The following PIWIL1 variants were observed in gnomAD, a reference collection of about 807,000 sequenced individuals.
The protein encoded by PIWIL1 is piwi like RNA-mediated gene silencing 1.
In PIWIL1, 73 loss-of-function variants were observed where a neutral mutation model predicts 114.4. The observed-to-expected ratio is 0.64, with a 90% CI of 0.53 to 0.78. The LOEUF (loss-of-function observed/expected upper bound fraction) is 0.78. Among genes scored for constraint, PIWIL1 ranks in the 30% least tolerant of loss-of-function variants. The pLI is 0.00. For synonymous variants in PIWIL1, 375 were observed against 369.0 expected (o/e 1.02, Z -0.19); for missense variants, 723 against 1,063.1 (o/e 0.68, Z 4.45).
intron 1 of PIWIL1, among the ~76,000 whole-genome samples, chr12:130,340,667 T>TGGG (rs2072894073): frequency 7.4e-6 from 1 of 135,624 alleles, no homozygotes; most frequent in South Asian, 2.6e-4. Flanking sequence ...GGGTTGGTGG[T>TGGG]GGTGGTGGTG....
the PIWIL1 span, chr12:130,425,516 T>TC: frequency 6.6e-6 from 1 of 152,326 alleles, no homozygotes; most frequent in African/African-American, 2.4e-5. Context: ...TCCGCCTGTC[T>TC]CCTCTGCATC....
Position 130,361,176 on chromosome 12 carries a change from T to C in PIWIL1, c.1666-4T>C. 1 of 1,614,050 alleles carries C rather than the reference T, an allele frequency of 6.2e-7. No individual in the cohort carries two copies. The highest frequency in any genetic ancestry group is 8.5e-7 in the Non-Finnish European group (1 of 1,179,940). On this transcript the variant is annotated splice_region_variant and splice_polypyrimidine_tract_variant and intron_variant, in intron 14 of 20. Coordinates refer to ENST00000245255, the MANE Select transcript of PIWIL1 (RefSeq NM_004764.5). ...TCTTTGTAACAAGGGCACTTTGTTTTCAGGTTGTCTGTCTGTTGTCAAGTA... is the reference window on the plus strand; with the variant it reads ...TCTTTGTAACAAGGGCACTTTGTTTCCAGGTTGTCTGTCTGTTGTCAAGTA...
At chr12:130,421,563 G>A in the PIWIL1 span, among the ~76,000 whole-genome samples, 1 of 152,144 alleles carries the variant, frequency 6.6e-6, no homozygotes, top group Non-Finnish European at 1.5e-5. Flanking sequence ...CTATTTCAAC[G>A]AGATTCCAGG....
the PIWIL1 span, among the ~76,000 whole-genome samples, chr12:130,393,387 C>T: frequency 4.6e-3 from 660 of 144,544 alleles, no homozygotes; most frequent in South Asian, 0.025. Flanking sequence ...TGTGATGACC[C>T]AGTCACCGTC....
downstream of PIWIL1, among the ~76,000 whole-genome samples, chr12:130,377,036 C>T (rs2080990380): frequency 6.6e-6 from 1 of 152,190 alleles, no homozygotes; most frequent in Non-Finnish European, 1.5e-5. Flanking sequence ...TCTGTGACCA[C>T]CCCCTGTGAG....
At chr12:130,377,364 T>C (rs1351113928), downstream of PIWIL1, among the ~76,000 whole-genome samples, 1 of 152,184 alleles carries the variant, frequency 6.6e-6, no homozygotes, top group African/African-American at 2.4e-5. Context: ...CCTTGATCCT[T>C]GGGTGCACAT....
chr12:130,371,461 C>T (rs768519895), intron 20 of PIWIL1, 21 bp from the exon 21 acceptor site: 3 of 1,610,996 alleles, frequency 1.9e-6, no homozygotes, highest in Non-Finnish European at 2.5e-6. Flanking sequence ...GTAATAGAAC[C>T]TTTTTTTCCT....
At position 130,371,611 on chromosome 12, in the gene PIWIL1, G is replaced by A. The variant is rs965073071; in HGVS notation, c.*13G>A. On this transcript the variant is annotated 3_prime_UTR_variant, in exon 21 of 21. Coordinates refer to ENST00000245255, the MANE Select transcript of PIWIL1 (RefSeq NM_004764.5). ...TTACTACCTCTAACCTGCAGAAGAC[G>A]ATGCAGCCGCTTTTCTTTTTGAAAT... is the stretch of plus-strand genomic sequence containing the variant. 15 of 1,449,124 alleles carry A rather than the reference G, an allele frequency of 1.0e-5. No individual in the cohort carries two copies. The highest frequency in any genetic ancestry group is 2.3e-5 in the East Asian group (1 of 43,804). 89.8% of individuals were successfully genotyped at this position (1,449,124 alleles called of 1,614,324 possible).
In PIWIL1 at chr12:130,371,339, T is replaced by C; in HGVS notation, c.2469+16T>C. ...CAACTGGCCAGTAAGTGCTTCTACT[T>C]GTTGATGTTTAGCAAATAAAGGACA... On this transcript the variant is annotated intron_variant, in intron 20 of 20. Transcript: ENST00000245255. The C allele has an allele frequency of 6.2e-7, 1 of 1,613,950 alleles. No individual in the cohort carries two copies.
chr12:130,352,334 C>T (rs993483856), intron 9 of PIWIL1, among the ~76,000 whole-genome samples: 1 of 151,962 alleles, frequency 6.6e-6, no homozygotes, highest in Non-Finnish European at 1.5e-5. Flanking sequence ...ACAGTAATGT[C>T]TAATAAAAAT....
the PIWIL1 span, among the ~76,000 whole-genome samples, chr12:130,423,690 TC>T: frequency 1.8e-5 from 2 of 113,798 alleles, no homozygotes; most frequent in Non-Finnish European, 1.8e-5. Flanking sequence ...ATTTCTTCAA[TC>T]TTTTTTTTTT....
chr12:130,402,994 G>T, the PIWIL1 span, among the ~76,000 whole-genome samples: 1 of 152,214 alleles, frequency 6.6e-6, no homozygotes, highest in Non-Finnish European at 1.5e-5. Flanking sequence ...GGAGGAAAAG[G>T]CCAGGGAGGA....
At chr12:130,421,249 C>T in the PIWIL1 span, among the ~76,000 whole-genome samples, 3 of 152,242 alleles carry the variant, frequency 2.0e-5, no homozygotes. Context: ...ATCTGGGCTC[C>T]ACTAACCCTG....
chr12:130,402,937 T>C, the PIWIL1 span, among the ~76,000 whole-genome samples: 1 of 152,114 alleles, frequency 6.6e-6, no homozygotes. Flanking sequence ...GTGTTAGAAG[T>C]CTTCAGTGAC....
At chr12:130,413,395 C>T in the PIWIL1 span, among the ~76,000 whole-genome samples, 1 of 152,026 alleles carries the variant, frequency 6.6e-6, no homozygotes, top group Non-Finnish European at 1.5e-5. Context: ...TTTGGGAGGC[C>T]AAGGCGGGCA....
At chr12:130,397,029 G>T in the PIWIL1 span, 1 of 180,220 alleles carries the variant, frequency 5.5e-6, no homozygotes, top group Non-Finnish European at 1.2e-5. Context: ...ATTCCTTTAA[G>T]GGCAGATGAC....
chr12:130,373,122 G>C (rs1341571453), downstream of PIWIL1, among the ~76,000 whole-genome samples: 1 of 152,172 alleles, frequency 6.6e-6, no homozygotes, highest in Non-Finnish European at 1.5e-5. Context: ...AAGCAGCCCA[G>C]GTTCCTTAAC....
the PIWIL1 span, chr12:130,399,531 A>T: frequency 1.2e-6 from 1 of 801,940 alleles, no homozygotes; most frequent in Non-Finnish European, 1.9e-6. Context: ...TTTAGGTACA[A>T]CTCCCATGGC....
the PIWIL1 span, among the ~76,000 whole-genome samples, chr12:130,383,006 A>G: frequency 6.6e-6 from 1 of 152,216 alleles, no homozygotes; most frequent in African/African-American, 2.4e-5. Context: ...GTGTAAACAA[A>G]ATTCTCCTTT....
Sources: allele counts gnomAD v4.1 joint callset (sites outside exome capture counted in the v4.1 genomes callset), GRCh38; gene constraint gnomAD v4.1.1; transcripts MANE v1.5; gene names NCBI Gene and HGNC (gene_info 2026-07-23, HGNC 2026-07-21).